RIMS2: variants seen among roughly 807,000 people sequenced by gnomAD.
RIMS2 encodes the protein regulating synaptic membrane exocytosis protein 2.
A neutral mutation model predicts 174.4 loss-of-function variants in RIMS2; 59 were observed. The ratio of observed to expected loss-of-function variants is 0.34; its 90% CI spans 0.27 to 0.42. RIMS2 has a LOEUF of 0.42. Among genes scored for constraint, RIMS2 ranks in the 10% least tolerant of loss-of-function variants. The probability of loss-of-function intolerance (pLI) is 1.00; values close to 1 mark genes in which losing one functional copy is unlikely to be tolerated. For synonymous variants in RIMS2, 606 were observed against 572.5 expected (o/e 1.06, Z -0.84); for missense variants, 1,620 against 1,666.3 (o/e 0.97, Z 0.48).
chr8:104,062,906 ATTAACT>A (rs1566118005), intron 19 of RIMS2, among the ~76,000 whole-genome samples: 2 of 152,122 alleles, frequency 1.3e-5, no homozygotes, highest in South Asian at 2.1e-4. Context: ...GTTTAAATTA[ATTAACT>A]TTAAAATTTT....
chr8:104,153,955 A>G (rs2098705720), intron 19 of RIMS2, among the ~76,000 whole-genome samples: 1 of 152,204 alleles, frequency 6.6e-6, no homozygotes, highest in African/African-American at 2.4e-5. Context: ...TACCTTGACA[A>G]ACCTTGCAGT....
rs118075387 is a variant in RIMS2 at position 103,842,613 on chromosome 8, T to C, written c.699-42685T>C. Reference sequence around the variant, plus strand: ...AATGTACCAACTTTTCTAAGACTTATGTGTAATTGCTTTCCCAAAAGGTAA... The same window carrying C: ...AATGTACCAACTTTTCTAAGACTTACGTGTAATTGCTTTCCCAAAAGGTAA... On this transcript the variant is annotated intron_variant, in intron 3 of 23. Transcript: ENST00000504942. Among the ~76,000 whole-genome samples the C allele has an allele frequency of 1.7e-3, 265 of 152,360 alleles. 1 individual carries two copies. The highest frequency in any genetic ancestry group is 3.8e-3 in the Admixed American group (58 of 15,306).
At chr8:104,167,954 T>C (rs1379462805) in intron 19 of RIMS2, among the ~76,000 whole-genome samples, 1 of 152,186 alleles carries the variant, frequency 6.6e-6, no homozygotes, top group Non-Finnish European at 1.5e-5. Context: ...TTTGTTTGTT[T>C]TGTTGAAGAT....
At chr8:104,024,024 G>A (rs1291752892) in intron 19 of RIMS2, among the ~76,000 whole-genome samples, 4 of 152,128 alleles carry the variant, frequency 2.6e-5, no homozygotes, top group African/African-American at 4.8e-5. Context: ...GAGTGATAAG[G>A]GCTAAAGGAC....
intron 19 of RIMS2, among the ~76,000 whole-genome samples, chr8:104,164,472 A>C (rs1481274142): frequency 1.3e-5 from 2 of 152,238 alleles, no homozygotes; most frequent in Admixed American, 1.3e-4. Context: ...TTTAAAAATA[A>C]AAATCATAAA....
chr8:103,904,780 T>C (rs1030416516), intron 4 of RIMS2, among the ~76,000 whole-genome samples: 9 of 152,092 alleles, frequency 5.9e-5, no homozygotes, highest in African/African-American at 2.2e-4. Context: ...TTTTGTTTTC[T>C]GTTTGTTCCT....
chr8:103,508,553 A>G (rs1315453108), intron 1 of RIMS2, among the ~76,000 whole-genome samples: 2 of 152,028 alleles, frequency 1.3e-5, no homozygotes, highest in East Asian at 1.9e-4. Context: ...TGATGCGTCA[A>G]TAGAGGAGAC....
intron 1 of RIMS2, among the ~76,000 whole-genome samples, chr8:103,577,974 T>C (rs149385896): frequency 1.3e-3 from 197 of 152,226 alleles, no homozygotes; most frequent in African/African-American, 4.4e-3. Context: ...CTACAAGATA[T>C]AGAAAATTAC....
intron 4 of RIMS2, among the ~76,000 whole-genome samples, chr8:103,908,273 C>T (rs910307871): frequency 6.6e-6 from 1 of 152,020 alleles, no homozygotes; most frequent in Non-Finnish European, 1.5e-5. Flanking sequence ...CATCTCTTGA[C>T]CTCGTGATCC....
At chr8:103,521,688 A>T (rs931420334) in intron 1 of RIMS2, among the ~76,000 whole-genome samples, 3 of 152,034 alleles carry the variant, frequency 2.0e-5, no homozygotes, top group Non-Finnish European at 2.9e-5. Context: ...CTCCGGTGTC[A>T]TGCCAAATGT....
intron 3 of RIMS2, among the ~76,000 whole-genome samples, chr8:103,839,444 T>C (rs563109321): frequency 6.6e-6 from 1 of 152,302 alleles, no homozygotes; most frequent in East Asian, 1.9e-4. Flanking sequence ...TGGAGAGTAC[T>C]CTTTTTTTTT....
At chr8:103,986,968 A>G (rs547590845) in intron 16 of RIMS2, among the ~76,000 whole-genome samples, 1 of 152,104 alleles carries the variant, frequency 6.6e-6, no homozygotes, top group East Asian at 1.9e-4. Flanking sequence ...CCCGCCATCC[A>G]CCCATAAAGA....
intron 2 of RIMS2, among the ~76,000 whole-genome samples, chr8:103,752,524 C>G (rs1025274955): frequency 6.6e-6 from 1 of 152,142 alleles, no homozygotes; most frequent in African/African-American, 2.4e-5. Flanking sequence ...GGCATTGAAT[C>G]TATAAATTAC....
At chr8:103,946,683 C>T (rs1457630243) in intron 14 of RIMS2, among the ~76,000 whole-genome samples, 1 of 152,150 alleles carries the variant, frequency 6.6e-6, no homozygotes, top group Non-Finnish European at 1.5e-5. Flanking sequence ...AAGATGGTAG[C>T]TCTTCCCCCA....
chr8:103,923,506 A>G (rs2078131778), intron 10 of RIMS2, among the ~76,000 whole-genome samples: 1 of 151,920 alleles, frequency 6.6e-6, no homozygotes, highest in Non-Finnish European at 1.5e-5. Flanking sequence ...TTAATATGGT[A>G]AAAGGTACAT....
At chr8:103,859,037 T>C (rs1269556006) in intron 3 of RIMS2, among the ~76,000 whole-genome samples, 2 of 152,142 alleles carry the variant, frequency 1.3e-5, no homozygotes, top group Non-Finnish European at 2.9e-5. Context: ...ACAAGATAGA[T>C]CATGAGAAAC....
chr8:103,873,796 G>A (rs1310965148), intron 3 of RIMS2, among the ~76,000 whole-genome samples: 1 of 152,050 alleles, frequency 6.6e-6, no homozygotes, highest in African/African-American at 2.4e-5. Context: ...CAGAGTGCCT[G>A]TATTTCAGAA....
chr8:103,581,224 A>C (rs2093602581), intron 1 of RIMS2, among the ~76,000 whole-genome samples: 1 of 152,188 alleles, frequency 6.6e-6, no homozygotes, highest in Non-Finnish European at 1.5e-5. Context: ...TAAATGTAAA[A>C]TGCTCAACAA....
chr8:104,044,578 A>G (rs1484276017), intron 19 of RIMS2, among the ~76,000 whole-genome samples: 5 of 151,576 alleles, frequency 3.3e-5, no homozygotes, highest in Non-Finnish European at 7.4e-5. Context: ...AAATTTATGG[A>G]GGCAAAAATG....
Sources: allele counts gnomAD v4.1 joint callset (sites outside exome capture counted in the v4.1 genomes callset), GRCh38; gene constraint gnomAD v4.1.1; transcripts MANE v1.5; gene names NCBI Gene and HGNC (gene_info 2026-07-23, HGNC 2026-07-21).